H2BC4: variants seen among roughly 807,000 people sequenced by gnomAD.
The protein encoded by H2BC4 is H2B clustered histone 4.
A neutral mutation model predicts 6.2 loss-of-function variants in H2BC4; 10 were observed. The ratio of observed to expected loss-of-function variants is 1.61; its 90% CI spans 0.99 to 2.73. The LOEUF (loss-of-function observed/expected upper bound fraction) is 2.73. H2BC4 is among the 30% of genes most tolerant of loss of function. H2BC4 has a pLI of 0.00. For synonymous variants in H2BC4, 146 were observed against 70.7 expected (o/e 2.07, Z -5.35); for missense variants, 176 against 168.7 (o/e 1.04, Z -0.24).
intron 1 of H2BC4, among the ~76,000 whole-genome samples, chr6:26,117,052 GTTA>G (rs1249577963): frequency 2.0e-5 from 3 of 152,100 alleles, no homozygotes; most frequent in African/African-American, 7.2e-5. Context: ...AGAAATGATA[GTTA>G]TCATTCTTTA....
chr6:26,113,938 A>G (rs927533852), downstream of H2BC4, among the ~76,000 whole-genome samples: 10 of 151,458 alleles, frequency 6.6e-5, no homozygotes, highest in Non-Finnish European at 1.5e-4. Context: ...TTATAAGGCC[A>G]CCAATCCTAT....
At chr6:26,114,178 T>A (rs1418401381), downstream of H2BC4, among the ~76,000 whole-genome samples, 11 of 152,186 alleles carry the variant, frequency 7.2e-5, no homozygotes, top group Non-Finnish European at 7.3e-5. Flanking sequence ...CAGTTTAGTA[T>A]CCCTTCAGAG....
downstream of H2BC4, among the ~76,000 whole-genome samples, chr6:26,121,713 T>C (rs1763498707): frequency 6.6e-6 from 1 of 151,526 alleles, no homozygotes; most frequent in Admixed American, 6.6e-5. Context: ...GAGCGGTCAG[T>C]CTGAATGGGA....
chr6:26,117,081 G>T (rs1763431029), intron 1 of H2BC4, among the ~76,000 whole-genome samples: 1 of 152,136 alleles, frequency 6.6e-6, no homozygotes, highest in African/African-American at 2.4e-5. Context: ...TTAGGAATAT[G>T]CCTAGAGAGC....
Position 26,123,678 on chromosome 6 carries a change from C to A in H2BC4, c.227G>T (p.Gly76Val), listed in dbSNP as rs1038473209. 6.2e-7 allele frequency: 1 copy of A among 1,614,264 alleles called. No individual in the cohort carries two copies. The change falls in exon 1 of 1, where the codon GGC becomes GTC. Residue 76 changes from glycine (G) to valine (V), a missense_variant. Coordinates refer to ENST00000396984, the MANE Select transcript of H2BC4 (RefSeq NM_003526.3). ...GTAATGCGCCAGGCGGGAAGCCTCGCCCGCGATGCGCTCAAATATGTCGTT... is the reference window on the plus strand; with the variant it reads ...GTAATGCGCCAGGCGGGAAGCCTCGACCGCGATGCGCTCAAATATGTCGTT... ...FVNDIFERIA[G>V]EASRLAHYNK... is the part of the protein sequence containing the mutation.
chr6:26,123,412 C>T (rs931533278), downstream of H2BC4: 18 of 1,527,390 alleles, frequency 1.2e-5, no homozygotes, highest in South Asian at 3.8e-5. Flanking sequence ...ATTCTAATAC[C>T]CCTCCGCCGC....
downstream of H2BC4, among the ~76,000 whole-genome samples, chr6:26,121,592 AAC>A (rs1383468890): frequency 6.6e-6 from 1 of 152,200 alleles, no homozygotes; most frequent in Non-Finnish European, 1.5e-5. Context: ...TATTTCATCT[AAC>A]ACAGGCAAAA....
chr6:26,123,916 A>T lies in H2BC4; in HGVS notation c.-12T>A. The T allele has an allele frequency of 6.2e-7, 1 of 1,610,938 alleles. No homozygotes were observed. Among genetic ancestry groups the T allele is most frequent in the Non-Finnish European group, 8.5e-7 (1 of 1,179,256 alleles). On this transcript the variant is annotated 5_prime_UTR_variant, in exon 1 of 1. Transcript: ENST00000396984. Reference sequence around the variant, plus strand: ...GCTGGCTCAGGCATCTTAAAACACCAGAAATGTGTCGAAAGTAAAGAGCGG... The same window carrying T: ...GCTGGCTCAGGCATCTTAAAACACCTGAAATGTGTCGAAAGTAAAGAGCGG...
At chr6:26,120,245 G>T (rs573994045), downstream of H2BC4, among the ~76,000 whole-genome samples, 11 of 152,248 alleles carry the variant, frequency 7.2e-5, no homozygotes, top group African/African-American at 2.4e-4. Flanking sequence ...GATCACCTGA[G>T]TTCGAGACCA....
chr6:26,121,971 T>C (rs1250174995), downstream of H2BC4, among the ~76,000 whole-genome samples: 3 of 150,236 alleles, frequency 2.0e-5, no homozygotes, highest in Non-Finnish European at 2.9e-5. Context: ...GAGAATGGCT[T>C]GAACCCGGGA....
chr6:26,119,335 T>C (rs1415183896), downstream of H2BC4, among the ~76,000 whole-genome samples: 2 of 152,312 alleles, frequency 1.3e-5, no homozygotes, highest in Admixed American at 1.3e-4. Flanking sequence ...TGTAAAAATG[T>C]TATTTGCATA....
chr6:26,115,001 T>G (rs1036266953), exon 2 of H2BC4: 1 of 152,206 alleles, frequency 6.6e-6, no homozygotes, highest in Non-Finnish European at 1.5e-5. Flanking sequence ...TCATTTGTCC[T>G]TCTTTGATTG....
At chr6:26,115,996 G>C (rs1396024712) in intron 1 of H2BC4, among the ~76,000 whole-genome samples, 1 of 152,052 alleles carries the variant, frequency 6.6e-6, no homozygotes, top group Admixed American at 6.6e-5. Context: ...CTAAGGACAA[G>C]AAAATAAAGG....
chr6:26,122,740 G>A (rs1232104526), downstream of H2BC4, among the ~76,000 whole-genome samples: 1 of 152,176 alleles, frequency 6.6e-6, no homozygotes, highest in Non-Finnish European at 1.5e-5. Context: ...GAGATTTTAA[G>A]TTTCAATCAG....
chr6:26,122,858 C>T (rs572503887), downstream of H2BC4, among the ~76,000 whole-genome samples: 2 of 152,292 alleles, frequency 1.3e-5, no homozygotes, highest in South Asian at 4.1e-4. Context: ...GAAGCAACAT[C>T]TGGCGCAGTG....
At position 26,123,522 on chromosome 6, in the gene H2BC4, G is replaced by A. The variant is rs1396624634; in HGVS notation, c.*2C>T. On this transcript the variant is annotated 3_prime_UTR_variant, in exon 1 of 1. Coordinates refer to ENST00000396984, the MANE Select transcript of H2BC4 (RefSeq NM_003526.3). ...AGGTGTTAAGACGCTTACTTGGAATGTTTACTTGGAGCTGGTGTACTTGGT... is the reference window on the plus strand; with the variant it reads ...AGGTGTTAAGACGCTTACTTGGAATATTTACTTGGAGCTGGTGTACTTGGT... The A allele has an allele frequency of 2.5e-6, 4 of 1,614,214 alleles. No homozygotes were observed. The highest frequency in any genetic ancestry group is 2.2e-5 in the South Asian group (2 of 91,086).
At chr6:26,121,235 T>C (rs756489433), downstream of H2BC4, among the ~76,000 whole-genome samples, 1 of 152,220 alleles carries the variant, frequency 6.6e-6, no homozygotes, top group Non-Finnish European at 1.5e-5. Context: ...AAACCAGATT[T>C]CCTGTCCTCT....
At chr6:26,115,237 T>G (rs953908793) in intron 1 of H2BC4, 3 of 152,232 alleles carry the variant, frequency 2.0e-5, no homozygotes, top group Admixed American at 6.5e-5. Context: ...TGGCTAAAGT[T>G]CACTGGATGT....
chr6:26,123,926 C>T lies in H2BC4; in HGVS notation c.-22G>A, dbSNP rs1277295827. On this transcript the variant is annotated 5_prime_UTR_variant, in exon 1 of 1. Coordinates refer to ENST00000396984, the MANE Select transcript of H2BC4 (RefSeq NM_003526.3). ...GCATCTTAAAACACCAGAAATGTGT[C>T]GAAAGTAAAGAGCGGATTTCTGCTA... 1.4e-5 allele frequency: 23 copies of T among 1,609,506 alleles called. No individual in the cohort carries two copies. The highest frequency in any genetic ancestry group is 2.0e-5 in the Non-Finnish European group (23 of 1,178,894).
Sources: allele counts gnomAD v4.1 joint callset (sites outside exome capture counted in the v4.1 genomes callset), GRCh38; gene constraint gnomAD v4.1.1; transcripts MANE v1.5; gene names NCBI Gene and HGNC (gene_info 2026-07-23, HGNC 2026-07-21).